TNNT1: variants seen among roughly 807,000 people sequenced by gnomAD.
The protein encoded by TNNT1 is troponin T1, slow skeletal type, also known as troponin T, slow skeletal muscle.
In TNNT1, 53 loss-of-function variants were observed where a neutral mutation model predicts 50.6. That is an observed-to-expected ratio of 1.05 (90% CI 0.84 to 1.32). The LOEUF is 1.32. TNNT1 is among the 40% of genes most tolerant of loss of function. The probability of loss-of-function intolerance (pLI) is 0.00; values close to 1 mark genes in which losing one functional copy is unlikely to be tolerated. For missense variants in TNNT1, 348 were observed against 381.7 expected, an observed-to-expected ratio of 0.91 and a Z score of 0.74; for synonymous variants, 142 against 138.0, an observed-to-expected ratio of 1.03 and a Z score of -0.20.
intron 4 of TNNT1, 72 bp downstream of exon 4, chr19:55,146,609 C>T: frequency 1.2e-5 from 14 of 1,177,938 alleles, no homozygotes; most frequent in Non-Finnish European, 1.5e-5. Flanking sequence ...CCCATCCCGC[C>T]CCCTCCTCCC....
intron 6 of TNNT1, among the ~76,000 whole-genome samples, chr19:55,142,291 TTC>T (rs1167738623): frequency 0.012 from 1,805 of 148,150 alleles, 56 homozygotes; most frequent in African/African-American, 0.045. Flanking sequence ...TGGCTAATTT[TTC>T]TGTATTTTTA....
chr19:55,146,626 A>C (rs1036595711), intron 4 of TNNT1, 55 bp downstream of exon 4: 16 of 804,718 alleles, frequency 2.0e-5, no homozygotes, highest in Middle Eastern at 3.8e-4. Context: ...TCCCGGGCCC[A>C]GCGTCCCCGC....
chr19:55,141,251 T>A lies in TNNT1; in HGVS notation c.244A>T (p.Ile82Phe). ...TTCCGCTGCTCGAAATGTACATCGA[T>A]GAGTGTCTGCAGCTCCAGCAGGTCT... The part of the protein sequence containing the change: ...EKDLLELQTL[I>F]DVHFEQRKKE... The change falls in exon 8 of 14, where the codon ATC becomes TTC. Residue 82 changes from isoleucine to phenylalanine, a missense_variant. Physicochemically the swap from Ile to Phe is conservative, Grantham distance 21. Around this residue, in one of 3 missense-constraint regions of TNNT1, gnomAD observed 253 missense variants for 291.8 expected, o/e 0.87. Coordinates refer to ENST00000588981, the MANE Select transcript of TNNT1 (RefSeq NM_003283.6). 1 of 1,614,224 alleles carries A rather than the reference T, an allele frequency of 6.2e-7. No homozygotes were observed. Among genetic ancestry groups the A allele is most frequent in the Non-Finnish European group, 8.5e-7 (1 of 1,180,032 alleles).
chr19:55,138,554 A>C (rs2085396588), intron 9 of TNNT1, among the ~76,000 whole-genome samples: 3 of 152,200 alleles, frequency 2.0e-5, no homozygotes, highest in Admixed American at 2.0e-4. Flanking sequence ...CTGGGATTAC[A>C]GGCGTGAGCC....
intron 13 of TNNT1, 88 bp downstream of exon 13, chr19:55,133,799 G>T: frequency 1.4e-6 from 2 of 1,476,520 alleles, no homozygotes; most frequent in Non-Finnish European, 1.9e-6. Context: ...AGGCAGTGGG[G>T]GATGGAGCCC....
At position 55,145,525 on chromosome 19, in the gene TNNT1, C is replaced by T; in HGVS notation, c.128+19G>A. ...TAGGAAGATGTATGACTGGGGCCCC[C>T]CACCCTGTAGGATCTCACCTTGGTT... On this transcript the variant is annotated intron_variant, in intron 6 of 13. Transcript: ENST00000588981. The T allele has an allele frequency of 6.2e-7, 1 of 1,613,356 alleles. No homozygotes were observed. The highest frequency in any genetic ancestry group is 8.5e-7 in the Non-Finnish European group (1 of 1,179,560).
rs370899653 is a variant in TNNT1, at chr19:55,137,093, C to T, written c.611+10G>A. On this transcript the variant is annotated intron_variant, in intron 11 of 13. Transcript: ENST00000588981. ...AGGCCCCTACACCCCGAGCCCCCCA[C>T]AGCACCTACCGGAGCTGTTCCTCCC... The T allele has an allele frequency of 4.5e-6, 7 of 1,561,854 alleles. No homozygotes were observed. The African/African-American group carries it at 5.5e-5, about 12-fold the overall frequency.
intron 6 of TNNT1, among the ~76,000 whole-genome samples, chr19:55,142,578 T>G (rs2147258873): frequency 6.7e-6 from 1 of 149,272 alleles, no homozygotes; most frequent in East Asian, 2.0e-4. Flanking sequence ...AGAGCCTCAC[T>G]CTGTCACCCA....
chr19:55,136,954 G>A, intron 11 of TNNT1, 149 bp downstream of exon 11: 1 of 611,912 alleles, frequency 1.6e-6, no homozygotes, highest in Non-Finnish European at 2.9e-6. Context: ...AGGCAGCAGA[G>A]GCCCAGAGAG....
At position 55,145,395 on chromosome 19, in the gene TNNT1, G is replaced by A. The variant is rs919877276; in HGVS notation, c.128+149C>T. The A allele has an allele frequency of 7.0e-6, 5 of 714,850 alleles. No homozygotes were observed. In the Admixed American group the frequency reaches 1.0e-4, roughly 15 times the overall value. 44.3% of individuals were successfully genotyped at this position (714,850 alleles called of 1,614,324 possible). A position where few individuals can be genotyped will look rare whatever the true frequency, so the allele number is the denominator to read the frequency against. Reference sequence around the variant, plus strand: ...GGAGGGAGAGGAGGGAGGAGGGAAAGGGGGAGGGAGGAGGAGGAGGAGGAG... The same window carrying A: ...GGAGGGAGAGGAGGGAGGAGGGAAAAGGGGAGGGAGGAGGAGGAGGAGGAG... On this transcript the variant is annotated intron_variant, in intron 6 of 13. Transcript: ENST00000588981.
intron 11 of TNNT1, among the ~76,000 whole-genome samples, chr19:55,135,002 T>C (rs966503363): frequency 6.6e-6 from 1 of 152,014 alleles, no homozygotes; most frequent in African/African-American, 2.4e-5. Flanking sequence ...CTAGAAAATA[T>C]GGAAATAAAA....
At chr19:55,148,501 G>A (rs745371566) in intron 1 of TNNT1, among the ~76,000 whole-genome samples, 3 of 151,754 alleles carry the variant, frequency 2.0e-5, no homozygotes, top group African/African-American at 4.8e-5. Flanking sequence ...TATGATGCCC[G>A]TGTTTCTGAG....
intron 13 of TNNT1, chr19:55,133,499 G>C: frequency 3.0e-6 from 1 of 330,908 alleles, no homozygotes; most frequent in Non-Finnish European, 5.7e-6. Context: ...CCAACATGGT[G>C]AAACCCCGTC....
chr19:55,133,679 AT>A, intron 13 of TNNT1: 2 of 606,982 alleles, frequency 3.3e-6, no homozygotes, highest in African/African-American at 1.9e-5. Flanking sequence ...CGCAGTCTCA[AT>A]AAAAAAAAAA....
rs1599892420 is a variant in TNNT1, at chr19:55,145,862, CTATT to C, written c.107-301_107-298del. ...GGAGTGCAAACCCCCAGACCTTTCTCTATTTATATGCCCAGAGCTCCTGCTCTCC... is the reference window on the plus strand; with the variant it reads ...GGAGTGCAAACCCCCAGACCTTTCTCTATATGCCCAGAGCTCCTGCTCTCC... On this transcript the variant is annotated intron_variant, in intron 5 of 13. Transcript: ENST00000588981. Among the ~76,000 whole-genome samples, 3 of 152,062 alleles carry C rather than the reference CTATT, an allele frequency of 2.0e-5. No homozygotes were observed. In the East Asian group the frequency reaches 5.8e-4, roughly 30 times the overall value.
At position 55,132,805 on chromosome 19, in the gene TNNT1, A is replaced by G. The variant is rs147109223; in HGVS notation, c.*110T>C. 6.8e-4 allele frequency: 710 copies of G among 1,041,460 alleles called. 6 individuals carry two copies. The African/African-American group carries it at 9.8e-3, about 14-fold the overall frequency. 64.5% of individuals were successfully genotyped at this position (1,041,460 alleles called of 1,614,324 possible). On this transcript the variant is annotated 3_prime_UTR_variant, in exon 14 of 14. Transcript: ENST00000588981. ...AGGAGAGACCAGCTGCATCTCAACC[A>G]TAATAACATCAGAGAACCCAGCGGG...
In TNNT1 at chr19:55,148,467, C is replaced by A. The variant is rs560026613; in HGVS notation, c.-12+694G>T. On this transcript the variant is annotated intron_variant, in intron 1 of 13. Transcript: ENST00000588981. ...GGGTGCCTAGCCCCAAATCCCAATA[C>A]CCACAGATTCTGAGACCCCGATTTA... is the stretch of plus-strand genomic sequence containing the variant. Among the ~76,000 whole-genome samples the A allele has an allele frequency of 2.6e-5, 4 of 152,144 alleles. No homozygotes were observed. In the East Asian group the frequency reaches 7.7e-4, roughly 29 times the overall value.
chr19:55,144,667 G>A (rs947462163), intron 6 of TNNT1, among the ~76,000 whole-genome samples: 1 of 152,246 alleles, frequency 6.6e-6, no homozygotes, highest in African/African-American at 2.4e-5. Context: ...CACAGTGTGT[G>A]CAAAGGCTCA....
chr19:55,133,951 T>C, intron 12 of TNNT1, 24 bp from the exon 13 acceptor site: 1 of 1,609,262 alleles, frequency 6.2e-7, no homozygotes. Flanking sequence ...AGACAGATGC[T>C]GGGACAGCCG....
Sources: allele counts gnomAD v4.1 joint callset (sites outside exome capture counted in the v4.1 genomes callset), GRCh38; gene constraint gnomAD v4.1.1; regional missense constraint gnomAD v4.1.1; transcripts MANE v1.5; gene names NCBI Gene and HGNC (gene_info 2026-07-23, HGNC 2026-07-21).